Variants in SLC49A3 observed in about 807,000 individuals in gnomAD.
SLC49A3 encodes solute carrier family 49 member 3.
A neutral mutation model predicts 43.8 loss-of-function variants in SLC49A3; 50 were observed. The ratio of observed to expected loss-of-function variants is 1.14; its 90% confidence interval spans 0.91 to 1.45. The LOEUF (loss-of-function observed/expected upper bound fraction) is 1.45, where lower values mean the gene tolerates loss of function less well. SLC49A3 is among the 40% of genes most tolerant of loss of function. The probability of loss-of-function intolerance (pLI) is 0.00; values close to 1 mark genes in which losing one functional copy is unlikely to be tolerated. For missense variants in SLC49A3, 906 were observed against 774.1 expected (o/e 1.17, Z -2.02); for synonymous variants, 413 against 352.0 (o/e 1.17, Z -1.94).
upstream of SLC49A3, among the ~76,000 whole-genome samples, chr4:691,545 A>C (rs1741888744): frequency 6.6e-6 from 1 of 151,898 alleles, no homozygotes; most frequent in African/African-American, 2.4e-5. Context: ...CAGTGAGCTA[A>C]GATCGTGCCA....
At chr4:676,860 T>C (rs1738889716), downstream of SLC49A3, 1 of 985,112 alleles carries the variant, frequency 1.0e-6, no homozygotes, top group Middle Eastern at 5.2e-4. Context: ...GGGCAGGTCA[T>C]GCCTCCAGGG....
chr4:680,479 G>A (rs777476925), downstream of SLC49A3: 7 of 1,611,626 alleles, frequency 4.3e-6, no homozygotes, highest in South Asian at 2.2e-5. Flanking sequence ...CCACCCTGAC[G>A]GCCCTGGGCT....
At chr4:681,078 T>G (rs1739435501), downstream of SLC49A3, 1 of 1,593,912 alleles carries the variant, frequency 6.3e-7, no homozygotes, top group South Asian at 1.1e-5. Context: ...GCTGACCCCT[T>G]TCCTCGTCCT....
intron 4 of SLC49A3, 104 bp from the exon 5 acceptor site, chr4:684,960 C>G (rs1045502470): frequency 1.4e-6 from 2 of 1,440,506 alleles, no homozygotes; most frequent in African/African-American, 1.4e-5. Context: ...TCCTGCCCCA[C>G]CACCGGCTGC....
intron 6 of SLC49A3, among the ~76,000 whole-genome samples, chr4:684,181 C>T (rs1271034164): frequency 2.0e-5 from 3 of 152,202 alleles, no homozygotes; most frequent in East Asian, 3.8e-4. Context: ...CCCACAGGGG[C>T]GGGGCCTTGC....
At position 682,230 on chromosome 4, in the gene SLC49A3, C is replaced by T; in HGVS notation, c.1408G>A (p.Gly470Ser). 1 of 1,381,458 alleles carries T rather than the reference C, an allele frequency of 7.2e-7. No homozygotes were observed. The highest frequency in any genetic ancestry group is 9.5e-7 in the Non-Finnish European group (1 of 1,056,864). The allele number at this position is 1,381,458 out of a possible 1,614,324, so 85.6% of individuals were successfully genotyped here. ...CTTCCTGCTCCCCCTCGGTCCACACCCGGCCCTGAGTCTGCGCCGCCCACG... is the reference window on the plus strand; with the variant it reads ...CTTCCTGCTCCCCCTCGGTCCACACTCGGCCCTGAGTCTGCGCCGCCCACG... The part of the protein sequence containing the change: ...NAVGGADSGP[G>S]VDRGGAGRAG... The change falls in exon 10 of 10, where the codon GGT becomes AGT. Residue 470 changes from glycine to serine, a missense_variant. By Grantham distance (56) the Gly-to-Ser change is moderately conservative. Coordinates refer to ENST00000322224, the MANE Select transcript of SLC49A3 (RefSeq NM_032219.4).
At chr4:688,585 C>T (rs1741505090) in intron 1 of SLC49A3, among the ~76,000 whole-genome samples, 1 of 152,208 alleles carries the variant, frequency 6.6e-6, no homozygotes, top group African/African-American at 2.4e-5. Flanking sequence ...GGAGCCGCCC[C>T]TCACTCAGAG....
chr4:681,485 G>A (rs1047869521), downstream of SLC49A3, among the ~76,000 whole-genome samples: 5 of 111,722 alleles, frequency 4.5e-5, no homozygotes, highest in African/African-American at 1.7e-4. Flanking sequence ...CGAGACTAAT[G>A]CCGGGCCACC....
Position 685,933 on chromosome 4 carries a change from G to A in SLC49A3, c.509-22C>T. 4 of 1,613,738 alleles carry A rather than the reference G, an allele frequency of 2.5e-6. No homozygotes were observed. Among genetic ancestry groups the A allele is most frequent in the Middle Eastern group, 1.6e-4 (1 of 6,062 alleles). ...TTCGCTGGGTGGGCGGATGCACAAA[G>A]TGTCAGCTCGGCTGTGGCCTGGCTT... On this transcript the variant is annotated intron_variant, in intron 3 of 9. Coordinates refer to ENST00000322224, the MANE Select transcript of SLC49A3 (RefSeq NM_032219.4). This position sits in a 1 kb window ranked among gnomAD's most constrained non-coding sequence, Gnocchi z 4.3.
rs762229082 is a variant in SLC49A3 at position 683,263 on chromosome 4, C to G, written c.1098G>C (p.Glu366Asp). The change falls in exon 8 of 10, where the codon GAG (glutamate) becomes GAC (aspartate). Residue 366 changes from glutamate (E) to aspartate (D), a missense_variant. Coordinates refer to ENST00000322224, the MANE Select transcript of SLC49A3 (RefSeq NM_032219.4). ...CCCCCTCCCCCACGGGGAAGGAACA[C>G]TCGACCGCCAACTCCATGGCCACGG... ...VGPVAMELAV[E>D]CSFPVGEGAA... is the part of the protein sequence containing the mutation. 10 of 1,612,792 alleles carry G rather than the reference C, an allele frequency of 6.2e-6. No individual in the cohort carries two copies. The East Asian group carries it at 2.0e-4, about 32-fold the overall frequency.
chr4:678,730 A>G, downstream of SLC49A3: 1 of 1,612,082 alleles, frequency 6.2e-7, no homozygotes. Flanking sequence ...TGTCTTCTCC[A>G]ACTTTGAGCA....
chr4:681,815 A>G, downstream of SLC49A3: 1 of 1,251,530 alleles, frequency 8.0e-7, no homozygotes. Context: ...CGCAGAAACC[A>G]CACCCGGGGC....
intron 8 of SLC49A3, 98 bp downstream of exon 8, chr4:683,112 C>A (rs996906667): frequency 6.0e-6 from 9 of 1,504,720 alleles, no homozygotes; most frequent in Non-Finnish European, 7.2e-6. Context: ...CCCACCTCCC[C>A]GAAAAGGGGC....
At chr4:682,451 A>G in intron 9 of SLC49A3, 75 bp from the exon 10 acceptor site, 7 of 1,283,838 alleles carry the variant, frequency 5.5e-6, no homozygotes, top group Non-Finnish European at 7.0e-6. Context: ...ATGCTGGCCT[A>G]TGGTGACCCC....
downstream of SLC49A3, chr4:680,108 A>G (rs1354888675): frequency 1.1e-5 from 14 of 1,245,252 alleles, no homozygotes; most frequent in Admixed American, 7.1e-5. Flanking sequence ...CTCTTTTCCA[A>G]TCTCTGGAGA....
chr4:679,557 G>T (rs1021215879), downstream of SLC49A3, among the ~76,000 whole-genome samples: 3 of 152,186 alleles, frequency 2.0e-5, no homozygotes, highest in East Asian at 5.8e-4. Flanking sequence ...AGGGGGCTTC[G>T]GTCCTGCCCT....
chr4:683,913 G>C (rs1373631189), intron 6 of SLC49A3, 152 bp from the exon 7 acceptor site: 1 of 1,050,866 alleles, frequency 9.5e-7, no homozygotes, highest in African/African-American at 1.6e-5. Flanking sequence ...GGCTGCCTGC[G>C]GGGTAGGGTT....
chr4:679,551 G>GA (rs1394413772), downstream of SLC49A3, among the ~76,000 whole-genome samples: 3 of 152,208 alleles, frequency 2.0e-5, no homozygotes, highest in East Asian at 5.8e-4. Context: ...GAGGGCAGGG[G>GA]GCTTCGGTCC....
chr4:689,066 C>T lies in SLC49A3; in HGVS notation c.62G>A (p.Arg21Gln). The T allele has an allele frequency of 1.3e-6, 2 of 1,573,488 alleles. No homozygotes were observed. The highest frequency in any genetic ancestry group is 1.7e-6 in the Non-Finnish European group (2 of 1,165,010). Residue 21 changes from arginine (R) to glutamine (Q), a missense_variant, in exon 1 of 10, where the codon CGG (arginine) becomes CAG (glutamine). Arg to Gln is a conservative substitution (Grantham distance 43, BLOSUM62 1). Coordinates refer to ENST00000322224, the MANE Select transcript of SLC49A3 (RefSeq NM_032219.4). ...LAEPRALCAQ[R>Q]GHRTYARRWV... ...GCGGCGCGCGTAGGTGCGGTGGCCC[C>T]GCTGCGCGCACAGGGCCCGGGGCTC...
Sources: allele counts gnomAD v4.1 joint callset (sites outside exome capture counted in the v4.1 genomes callset), GRCh38; gene constraint gnomAD v4.1.1; non-coding constraint Gnocchi (gnomAD v3.1); transcripts MANE v1.5; gene names NCBI Gene and HGNC (gene_info 2026-07-23, HGNC 2026-07-21).